The following PDGFRL variants were observed in gnomAD, a reference collection of about 807,000 sequenced individuals.
PDGFRL encodes the protein platelet derived growth factor receptor like.
Under a neutral mutation model 37.2 loss-of-function variants are expected in PDGFRL, and 46 were observed. That is an observed-to-expected ratio of 1.24 (90% CI 0.98 to 1.58). The LOEUF (loss-of-function observed/expected upper bound fraction) is 1.58, where lower values mean the gene tolerates loss of function less well. Ranked by LOEUF, PDGFRL falls within the 40% of genes most tolerant of loss-of-function variation. PDGFRL has a pLI of 0.00. For synonymous variants in PDGFRL, 251 were observed against 184.3 expected (o/e 1.36, Z -2.93); for missense variants, 692 against 467.6 (o/e 1.48, Z -4.43).
intron 2 of PDGFRL, among the ~76,000 whole-genome samples, chr8:17,606,886 G>GTTTTTTGTTTTTTTTTTT: frequency 7.2e-6 from 1 of 138,262 alleles, no homozygotes; most frequent in African/African-American, 2.8e-5. Context: ...TTCGTTTTTT[G>GTTTTTTGTTTTTTTTTTT]TTTTTTTGTT....
intron 1 of PDGFRL, among the ~76,000 whole-genome samples, chr8:17,582,849 A>G (rs1447573895): frequency 1.3e-5 from 2 of 152,130 alleles, no homozygotes; most frequent in Non-Finnish European, 2.9e-5. Flanking sequence ...CTCCCATCCC[A>G]GGCCCAGAGA....
At chr8:17,596,215 C>T (rs2150817741) in intron 2 of PDGFRL, 2 of 497,248 alleles carry the variant, frequency 4.0e-6, no homozygotes, top group East Asian at 7.0e-5. Flanking sequence ...CCACTGAGCC[C>T]CGTGTGACTC....
intron 2 of PDGFRL, among the ~76,000 whole-genome samples, chr8:17,602,631 G>T (rs1585311269): frequency 6.6e-6 from 1 of 152,130 alleles, no homozygotes; most frequent in African/African-American, 2.4e-5. Context: ...TTGATTTAGG[G>T]TAGCTCTTTG....
intron 1 of PDGFRL, among the ~76,000 whole-genome samples, chr8:17,580,196 G>A (rs1803676287): frequency 6.6e-6 from 1 of 152,088 alleles, no homozygotes; most frequent in African/African-American, 2.4e-5. Flanking sequence ...TTTCTTGGAG[G>A]ACTACAGACA....
intron 4 of PDGFRL, among the ~76,000 whole-genome samples, chr8:17,631,904 G>C (rs1202012331): frequency 1.3e-5 from 2 of 152,150 alleles, no homozygotes; most frequent in Admixed American, 1.3e-4. Flanking sequence ...TTCTGTCCCT[G>C]GGCCAGCTTC....
chr8:17,605,488 T>A (rs1804254571), intron 2 of PDGFRL, among the ~76,000 whole-genome samples: 1 of 152,220 alleles, frequency 6.6e-6, no homozygotes, highest in Non-Finnish European at 1.5e-5. Flanking sequence ...CTGCACACAT[T>A]TTGTTTCTTG....
chr8:17,605,320 G>C (rs1433002178), intron 2 of PDGFRL, among the ~76,000 whole-genome samples: 1 of 151,794 alleles, frequency 6.6e-6, no homozygotes, highest in Non-Finnish European at 1.5e-5. Flanking sequence ...CTCCAACTGG[G>C]GTCTTTAGAT....
In PDGFRL at chr8:17,641,765, G is replaced by C. The variant is rs1181390634; in HGVS notation, c.940-848G>C. Among the ~76,000 whole-genome samples the C allele has an allele frequency of 2.0e-5, 3 of 151,992 alleles. No homozygotes were observed. In the East Asian group the frequency reaches 5.8e-4, roughly 29 times the overall value. On this transcript the variant is annotated intron_variant, in intron 5 of 5. Transcript: ENST00000251630. ...CACATTAAGTAGCTGACATCCTTCT[G>C]GCCTATGGGCTGTGATTGGTAGAAA...
chr8:17,620,875 T>A (rs916064003), intron 2 of PDGFRL, among the ~76,000 whole-genome samples, 176 bp from the exon 3 acceptor site: 8 of 146,236 alleles, frequency 5.5e-5, no homozygotes, highest in South Asian at 4.3e-4. Flanking sequence ...TTTTTTTTTT[T>A]ATTATACTTT....
chr8:17,611,605 G>A (rs141582220), intron 2 of PDGFRL, among the ~76,000 whole-genome samples: 1 of 152,292 alleles, frequency 6.6e-6, no homozygotes, highest in African/African-American at 2.4e-5. Flanking sequence ...CGATGTGTCT[G>A]GGTTTGGTGA....
intron 2 of PDGFRL, among the ~76,000 whole-genome samples, chr8:17,608,959 C>T (rs1804345456): frequency 6.6e-6 from 1 of 152,208 alleles, no homozygotes; most frequent in African/African-American, 2.4e-5. Context: ...CAGCTCATGC[C>T]TGTAATCCCA....
intron 2 of PDGFRL, chr8:17,596,450 A>T (rs1352502799): frequency 8.6e-6 from 4 of 465,710 alleles, no homozygotes; most frequent in Non-Finnish European, 1.4e-5. Context: ...AAAAAACAGA[A>T]TTGATATAAT....
chr8:17,576,567 C>G (rs1467670675), upstream of PDGFRL: 1 of 189,108 alleles, frequency 5.3e-6, no homozygotes, highest in Non-Finnish European at 9.9e-6. Flanking sequence ...ATACCCTAGC[C>G]CGTGCTTACC....
chr8:17,614,353 C>T (rs1031739366), intron 2 of PDGFRL, among the ~76,000 whole-genome samples: 1 of 152,140 alleles, frequency 6.6e-6, no homozygotes, highest in African/African-American at 2.4e-5. Flanking sequence ...GATCTGTACT[C>T]TGTTCATATG....
intron 1 of PDGFRL, among the ~76,000 whole-genome samples, chr8:17,586,410 G>A (rs560764836): frequency 6.6e-6 from 1 of 152,244 alleles, no homozygotes; most frequent in Admixed American, 6.5e-5. Context: ...AGAATCTCAT[G>A]GTGCATGAGA....
intron 2 of PDGFRL, among the ~76,000 whole-genome samples, chr8:17,614,052 A>G (rs1804475040): frequency 1.3e-5 from 2 of 152,190 alleles, no homozygotes; most frequent in African/African-American, 4.8e-5. Flanking sequence ...GATGATAGAT[A>G]GATAGTAGAT....
At chr8:17,597,598 C>A (rs1804081950) in intron 2 of PDGFRL, among the ~76,000 whole-genome samples, 1 of 152,060 alleles carries the variant, frequency 6.6e-6, no homozygotes. Context: ...TTACTAAATA[C>A]TTCAATGAAT....
intron 2 of PDGFRL, among the ~76,000 whole-genome samples, chr8:17,592,321 G>C (rs1427291808): frequency 5.9e-5 from 9 of 152,198 alleles, no homozygotes; most frequent in Non-Finnish European, 1.5e-5. Context: ...TTGCATTCCT[G>C]GAGTCACTGT....
At chr8:17,626,994 T>C (rs941886037) in intron 3 of PDGFRL, among the ~76,000 whole-genome samples, 3 of 152,142 alleles carry the variant, frequency 2.0e-5, no homozygotes, top group Non-Finnish European at 1.5e-5. Flanking sequence ...GGTTCCTCCT[T>C]CAAGCCGACG....
Sources: allele counts gnomAD v4.1 joint callset (sites outside exome capture counted in the v4.1 genomes callset), GRCh38; gene constraint gnomAD v4.1.1; transcripts MANE v1.5; gene names NCBI Gene and HGNC (gene_info 2026-07-23, HGNC 2026-07-21).